The following SH3TC1 variants were observed in gnomAD, a reference collection of about 807,000 sequenced individuals.
SH3TC1 encodes SH3 domain and tetratricopeptide repeat-containing protein 1.
In SH3TC1, 135 loss-of-function variants were observed where a neutral mutation model predicts 117.3. That is an observed-to-expected ratio of 1.15 (90% CI 1.00 to 1.33). SH3TC1 has a LOEUF of 1.33. Ranked by LOEUF, SH3TC1 falls within the 40% of genes most tolerant of loss-of-function variation. The probability of loss-of-function intolerance (pLI) is 0.00; values close to 1 mark genes in which losing one functional copy is unlikely to be tolerated. For missense variants in SH3TC1, 2,092 were observed against 1,794.3 expected, an observed-to-expected ratio of 1.17 and a Z score of -3.00; for synonymous variants, 898 against 816.9, an observed-to-expected ratio of 1.10 and a Z score of -1.69.
intron 15 of SH3TC1, chr4:8,235,962 G>A (rs922830264): frequency 2.5e-6 from 1 of 403,520 alleles, no homozygotes; most frequent in African/African-American, 2.1e-5. Context: ...AGCTCATGGT[G>A]TGGCTCAGCC....
chr4:8,234,247 C>T (rs1309224467), intron 14 of SH3TC1, among the ~76,000 whole-genome samples: 2 of 151,740 alleles, frequency 1.3e-5, no homozygotes, highest in Non-Finnish European at 2.9e-5. Flanking sequence ...ACCCATCCAT[C>T]CATTCACCTG....
At chr4:8,193,810 G>A (rs966352782) in intron 1 of SH3TC1, among the ~76,000 whole-genome samples, 3 of 152,208 alleles carry the variant, frequency 2.0e-5, no homozygotes, top group Non-Finnish European at 2.9e-5. Context: ...GCAGTTTCCT[G>A]TGAGGGATGC....
rs753291505 is a variant in SH3TC1, at chr4:8,228,348, G to A, written c.2654G>A (p.Ser885Asn). The stretch of plus-strand genomic sequence containing the variant: ...GGCCGGACGAGGCAGGCAGCTGAGA[G>A]CTACTACCGCGCCCTGCGGGTGGCT... ...RTGRTRQAAE[S>N]YYRALRVARD... Residue 885 changes from serine (S) to asparagine (N), a missense_variant, in exon 12 of 18, where the codon AGC (serine) becomes AAC (asparagine). Coordinates refer to ENST00000245105, the MANE Select transcript of SH3TC1 (RefSeq NM_018986.5). 5 of 1,611,720 alleles carry A rather than the reference G, an allele frequency of 3.1e-6. No individual in the cohort carries two copies. Among genetic ancestry groups the A allele is most frequent in the African/African-American group, 1.3e-5 (1 of 74,942 alleles).
At position 8,186,220 on chromosome 4, in the gene SH3TC1, G is replaced by T. The variant is rs553426706; in HGVS notation, c.-57+4010G>T. On this transcript the variant is annotated intron_variant, in intron 1 of 16. Transcript: ENST00000508641. The surrounding 1 kb of genome is among the most constrained non-coding windows in gnomAD (Gnocchi z 5.2). ...CGAACCAAGACCAGCAGCAAAATTT[G>T]CTTGTTGCACATTAAAAGTAATGGG... Among the ~76,000 whole-genome samples the T allele has an allele frequency of 6.6e-6, 1 of 152,310 alleles. No individual in the cohort carries two copies. The highest frequency in any genetic ancestry group is 1.5e-5 in the Non-Finnish European group (1 of 68,030).
At chr4:8,237,339 T>C in intron 16 of SH3TC1, 135 bp from the exon 17 acceptor site, 1 of 667,144 alleles carries the variant, frequency 1.5e-6, no homozygotes, top group Non-Finnish European at 2.4e-6. Flanking sequence ...AAAGTGAGTC[T>C]GGGAGCTGGG....
Position 8,227,282 on chromosome 4 carries a change from T to C in SH3TC1, c.1588T>C (p.Phe530Leu). 3 of 1,607,012 alleles carry C rather than the reference T, an allele frequency of 1.9e-6. No homozygotes were observed. Among genetic ancestry groups the C allele is most frequent in the Non-Finnish European group, 2.5e-6 (3 of 1,177,310 alleles). The change falls in exon 12 of 18, where the codon TTC becomes CTC. Residue 530 changes from phenylalanine to leucine, a missense_variant. Phe to Leu is a conservative substitution (Grantham distance 22). Coordinates refer to ENST00000245105, the MANE Select transcript of SH3TC1 (RefSeq NM_018986.5). The stretch of plus-strand genomic sequence containing the variant: ...GGCGCTGCCGTGGCTGAGCAGCGTG[T>C]TCCGCAGCTTCAGCGACGAGGAGGA... Reference protein sequence around the residue: ...DVALPWLSSVFRSFSDEEELT... With the variant: ...DVALPWLSSVLRSFSDEEELT...
chr4:8,213,416 C>T (rs1718925283), intron 4 of SH3TC1, among the ~76,000 whole-genome samples: 1 of 152,198 alleles, frequency 6.6e-6, no homozygotes, highest in Middle Eastern at 3.2e-3. Context: ...AGAATTACGT[C>T]CCCGGGAGCT....
Position 8,190,726 on chromosome 4 carries a change from C to A in SH3TC1, c.-57+8516C>A, listed in dbSNP as rs1194267467. Among the ~76,000 whole-genome samples the A allele has an allele frequency of 2.0e-5, 3 of 152,004 alleles. No individual in the cohort carries two copies. Among genetic ancestry groups the A allele is most frequent in the Non-Finnish European group, 4.4e-5 (3 of 67,976 alleles). ...TGTGGTTATCGCTCGCTGCAGCCTC[C>A]AACTCCTGGGCTCAAGCAATGCTCC... On this transcript the variant is annotated intron_variant, in intron 1 of 16. Transcript: ENST00000508641. The surrounding 1 kb of genome is among the most constrained non-coding windows in gnomAD (Gnocchi z 4.7).
At chr4:8,239,248 GAC>G (rs57041483) in intron 17 of SH3TC1, among the ~76,000 whole-genome samples, 87 of 150,302 alleles carry the variant, frequency 5.8e-4, no homozygotes, top group Admixed American at 1.6e-3. Flanking sequence ...CACGCACAGG[GAC>G]ACACACACAC....
In SH3TC1 at chr4:8,233,685, CCATCCATCCAT is replaced by C. The variant is rs1242805304; in HGVS notation, c.3282+185_3282+195del. 2.6e-4 allele frequency among the ~76,000 whole-genome samples: 40 copies of C among 151,966 alleles called. No homozygotes were observed. The Middle Eastern group carries it at 0.017, about 65-fold the overall frequency. On this transcript the variant is annotated intron_variant, in intron 14 of 17. Coordinates refer to ENST00000245105, the MANE Select transcript of SH3TC1 (RefSeq NM_018986.5). ...TCTACCCATTCACCTATGGGTCCTTCCATCCATCCATCATCCATCCATCCATCCTTCCATTA... is the reference window on the plus strand; with the variant it reads ...TCTACCCATTCACCTATGGGTCCTTCCATCCATCCATCCATCCTTCCATTA...
chr4:8,238,395 G>C (rs1321716718), intron 17 of SH3TC1, among the ~76,000 whole-genome samples: 1 of 152,184 alleles, frequency 6.6e-6, no homozygotes, highest in Non-Finnish European at 1.5e-5. Flanking sequence ...CGGCAGACTC[G>C]GATCTGGGAT....
intron 14 of SH3TC1, among the ~76,000 whole-genome samples, chr4:8,234,036 TCATC>T (rs747527715): frequency 7.2e-5 from 10 of 138,124 alleles, no homozygotes; most frequent in East Asian, 6.7e-4. Flanking sequence ...ATCCATCCAT[TCATC>T]CATCATTCAT....
At chr4:8,235,955 T>A in intron 15 of SH3TC1, 1 of 390,018 alleles carries the variant, frequency 2.6e-6, no homozygotes, top group Non-Finnish European at 4.6e-6. Flanking sequence ...TCCTCTGAGC[T>A]CATGGTGTGG....
intron 1 of SH3TC1, among the ~76,000 whole-genome samples, chr4:8,188,540 C>T (rs1717299949): frequency 6.6e-6 from 1 of 152,254 alleles, no homozygotes; most frequent in African/African-American, 2.4e-5. Context: ...TGGGTTGCAC[C>T]CCAGCATGAG....
intron 17 of SH3TC1, among the ~76,000 whole-genome samples, chr4:8,239,228 A>G (rs2152999458): frequency 6.8e-6 from 1 of 147,518 alleles, no homozygotes; most frequent in Middle Eastern, 3.6e-3. Context: ...GCAAATGCAC[A>G]TGCACGCTGC....
intron 12 of SH3TC1, among the ~76,000 whole-genome samples, chr4:8,230,333 G>A (rs1721075179): frequency 2.0e-5 from 3 of 152,002 alleles, no homozygotes; most frequent in Admixed American, 6.6e-5. Context: ...ATGGGGTCTC[G>A]TCATGTTCCC....
Position 8,237,664 on chromosome 4 carries a change from C to A in SH3TC1, c.3747C>A (p.Asp1249Glu). The A allele has an allele frequency of 6.2e-7, 1 of 1,600,356 alleles. No individual in the cohort carries two copies. Among genetic ancestry groups the A allele is most frequent in the Non-Finnish European group, 8.5e-7 (1 of 1,171,770 alleles). The change falls in exon 17 of 18, where the codon GAC becomes GAA. Residue 1249 changes from aspartate (D) to glutamate (E), a missense_variant. Physicochemically the swap from Asp to Glu is conservative, Grantham distance 45 (BLOSUM62 2). Transcript: ENST00000245105. Reference sequence around the variant, plus strand: ...TGCTCGGTGACATCATCTTCTACGACCTGAAGGTGGGTGGGGAGGGGCTGG... The same window carrying A: ...TGCTCGGTGACATCATCTTCTACGAACTGAAGGTGGGTGGGGAGGGGCTGG... ...YLVLGDIIFY[D>E]LKDPFDAAGY...
chr4:8,225,580 C>A lies in SH3TC1; in HGVS notation c.1285+364C>A, dbSNP rs1720386320. 6.6e-6 allele frequency among the ~76,000 whole-genome samples: 1 copy of A among 152,142 alleles called. No homozygotes were observed. Among genetic ancestry groups the A allele is most frequent in the Admixed American group, 6.5e-5 (1 of 15,278 alleles). ...GCCTCAGAGATGGGAGGCCACACTG[C>A]CCTCAGTGGGTGGCAGAATTCAGAG... On this transcript the variant is annotated intron_variant, in intron 11 of 17. Coordinates refer to ENST00000245105, the MANE Select transcript of SH3TC1 (RefSeq NM_018986.5). This position sits in a 1 kb window ranked among gnomAD's most constrained non-coding sequence, Gnocchi z 5.5.
At chr4:8,198,803 G>A (rs1375282022), upstream of SH3TC1, among the ~76,000 whole-genome samples, 1 of 152,254 alleles carries the variant, frequency 6.6e-6, no homozygotes, top group Admixed American at 6.5e-5. Flanking sequence ...GAAATTGCAC[G>A]TGAGCGTTTG....
Sources: gnomAD v4.1 joint callset for allele counts (sites outside exome capture counted in the v4.1 genomes callset) on GRCh38, gnomAD v4.1.1 for gene constraint, Gnocchi (gnomAD v3.1) non-coding constraint, MANE v1.5 for transcripts, NCBI Gene and HGNC (gene_info 2026-07-23, HGNC 2026-07-21) for gene names.